The following MICALL2 variants were observed in gnomAD, a reference collection of about 807,000 sequenced individuals.
MICALL2 encodes MICAL-like protein 2.
A neutral mutation model predicts 91.1 loss-of-function variants in MICALL2; 111 were observed. The observed-to-expected ratio is 1.22, with a 90% CI of 1.04 to 1.43. The LOEUF is 1.43. Among genes scored for constraint, MICALL2 ranks in the 40% most tolerant of loss-of-function variants. The pLI, the probability that MICALL2 is intolerant of heterozygous loss-of-function variation, is 0.00. For missense variants in MICALL2, 1,556 were observed against 1,236.0 expected (o/e 1.26, Z -3.88); for synonymous variants, 694 against 525.3 (o/e 1.32, Z -4.39).
chr7:1,458,957 G>C (rs1383505046), intron 1 of MICALL2, among the ~76,000 whole-genome samples: 1 of 152,230 alleles, frequency 6.6e-6, no homozygotes, highest in African/African-American at 2.4e-5. Context: ...AGTCACGTCT[G>C]ACTCAGCCGG....
rs12540098 is a variant in MICALL2, at chr7:1,442,465, C to G, written c.1438G>C (p.Ala480Pro). ...APGRPSPATA[A>P]VPSSQPKTEA... ...GTTTTGGGCTGAGAACTGGGAACAG[C>G]GGCAGTGGCTGGGGAGGGCCTATAA... Residue 480 changes from alanine (A) to proline (P), a missense_variant, in exon 7 of 17, where the codon GCT (alanine) becomes CCT (proline). Coordinates refer to ENST00000297508, the MANE Select transcript of MICALL2 (RefSeq NM_182924.4). 0.12 allele frequency: 183,990 copies of G among 1,535,934 alleles called. 15,860 individuals carry two copies. The highest frequency in any genetic ancestry group is 0.41 in the African/African-American group (29,617 of 72,620).
chr7:1,453,027 C>A (rs1244475394), intron 1 of MICALL2, among the ~76,000 whole-genome samples: 1 of 151,880 alleles, frequency 6.6e-6, no homozygotes, highest in Non-Finnish European at 1.5e-5. Flanking sequence ...CGAGCTCACA[C>A]CCCCGGGGCC....
In MICALL2 at chr7:1,437,952, G is replaced by A. The variant is rs1483883205; in HGVS notation, c.2340C>T (p.Asp780=). The A allele has an allele frequency of 5.8e-6, 9 of 1,549,990 alleles. No individual in the cohort carries two copies. Among genetic ancestry groups the A allele is most frequent in the Non-Finnish European group, 7.8e-6 (9 of 1,147,208 alleles). Residue 780 remains aspartate (D), a synonymous_variant, in exon 13 of 17, where the codon GAC becomes GAT. Coordinates refer to ENST00000297508, the MANE Select transcript of MICALL2 (RefSeq NM_182924.4). ...GCTTCTCGTGAATGAGCCAGAACCA[G>A]TCCACCATGAGGCTATCCTCAGCGT... is the stretch of plus-strand genomic sequence containing the variant. ...GDDAEDSLMV[D]WFWLIHEKQL... is the part of the protein sequence containing the mutation.
At position 1,436,985 on chromosome 7, in the gene MICALL2, G is replaced by A. The variant is rs138428031; in HGVS notation, c.2477-129C>T. The stretch of plus-strand genomic sequence containing the variant: ...AGAAGGTGGGGTCTTGGGGGGATCC[G>A]GAGCAGAATGAATGAGTGAATAAGT... On this transcript the variant is annotated intron_variant, in intron 14 of 16. Coordinates refer to ENST00000297508, the MANE Select transcript of MICALL2 (RefSeq NM_182924.4). 1.5e-3 allele frequency: 946 copies of A among 611,564 alleles called. 5 individuals are homozygous for A. The highest frequency in any genetic ancestry group is 0.015 in the African/African-American group (778 of 51,980). 37.9% of individuals were successfully genotyped at this position (611,564 alleles called of 1,614,324 possible). A position where few individuals can be genotyped will look rare whatever the true frequency, so the allele number is the denominator to read the frequency against.
At position 1,442,488 on chromosome 7, in the gene MICALL2, T is replaced by A. The variant is rs943104723; in HGVS notation, c.1419-4A>T. On this transcript the variant is annotated splice_polypyrimidine_tract_variant and splice_region_variant and intron_variant, in intron 6 of 16. Coordinates refer to ENST00000297508, the MANE Select transcript of MICALL2 (RefSeq NM_182924.4). ...AGCGGCAGTGGCTGGGGAGGGCCTATAAGTAAAAGCGCAGGCATCAGGCAC... is the reference window on the plus strand; with the variant it reads ...AGCGGCAGTGGCTGGGGAGGGCCTAAAAGTAAAAGCGCAGGCATCAGGCAC... 6.6e-7 allele frequency: 1 copy of A among 1,524,636 alleles called. No individual in the cohort carries two copies. The highest frequency in any genetic ancestry group is 1.4e-5 in the African/African-American group (1 of 71,990). The allele number at this position is 1,524,636 out of a possible 1,614,324, so 94.4% of individuals were successfully genotyped here. A position where few individuals can be genotyped will look rare whatever the true frequency, so the allele number is the denominator to read the frequency against.
chr7:1,434,980 T>TC, intron 16 of MICALL2, 121 bp downstream of exon 16: 1 of 628,932 alleles, frequency 1.6e-6, no homozygotes, highest in Non-Finnish European at 2.8e-6. Context: ...GGGGACCCGA[T>TC]ACCCGCCCCC....
chr7:1,444,519 G>A, intron 6 of MICALL2, 133 bp downstream of exon 6: 1 of 888,082 alleles, frequency 1.1e-6, no homozygotes, highest in Admixed American at 2.9e-5. Flanking sequence ...GAAGGAAACA[G>A]GCTGGGGGAA....
intron 1 of MICALL2, among the ~76,000 whole-genome samples, chr7:1,454,781 T>A (rs1163685291): frequency 6.6e-6 from 1 of 151,938 alleles, no homozygotes; most frequent in Non-Finnish European, 1.5e-5. Context: ...GGTGGGGGCC[T>A]CTGCGTGAGT....
At chr7:1,439,035 G>T in intron 9 of MICALL2, 40 bp from the exon 10 acceptor site, 1 of 1,491,342 alleles carries the variant, frequency 6.7e-7, no homozygotes, top group Non-Finnish European at 9.1e-7. Flanking sequence ...CTTCAGAGCA[G>T]GGCCACTGGG....
Position 1,452,864 on chromosome 7 carries a change from C to T in MICALL2, c.144-2576G>A, listed in dbSNP as rs1355468745. Reference sequence around the variant, plus strand: ...CTGGGCTGCACCACCCCGGCCGGTCCCACAGCCACCACCCATCCTGCCCCA... The same window carrying T: ...CTGGGCTGCACCACCCCGGCCGGTCTCACAGCCACCACCCATCCTGCCCCA... On this transcript the variant is annotated intron_variant, in intron 1 of 16. Transcript: ENST00000297508. This position sits in a 1 kb window ranked among gnomAD's most constrained non-coding sequence, Gnocchi z 6.2. Among the ~76,000 whole-genome samples, 1 of 152,114 alleles carries T rather than the reference C, an allele frequency of 6.6e-6. No individual in the cohort carries two copies. The highest frequency in any genetic ancestry group is 1.5e-5 in the Non-Finnish European group (1 of 68,004).
intron 14 of MICALL2, 55 bp downstream of exon 14, chr7:1,437,480 T>TGGGCTCCGCGGCATCCCTGGCTG (rs1305264458): frequency 1.7e-5 from 25 of 1,457,590 alleles, no homozygotes; most frequent in Non-Finnish European, 2.1e-5. Context: ...CCAGACATCC[T>TGGGCTCCGCGGCATCCCTGGCTG]GGGCTCCGCG....
Position 1,434,656 on chromosome 7 carries a change from C to T in MICALL2, c.2655G>A (p.Lys885=). The T allele has an allele frequency of 6.4e-7, 1 of 1,565,970 alleles. No individual in the cohort carries two copies. Among genetic ancestry groups the T allele is most frequent in the Non-Finnish European group, 8.6e-7 (1 of 1,159,808 alleles). The change falls in exon 17 of 17, where the codon AAG becomes AAA. Residue 885 remains lysine (K), a synonymous_variant. Coordinates refer to ENST00000297508, the MANE Select transcript of MICALL2 (RefSeq NM_182924.4). The stretch of plus-strand genomic sequence containing the variant: ...AGATCTTGGACAAGCGGAACTTGGA[C>T]TTCTTCCTCTGGAGGCCTAGGGGAC... ...MIEKLGLQRK[K]SKFRLSKIWS...
Position 1,442,295 on chromosome 7 carries a change from C to T in MICALL2, c.1608G>A (p.Arg536=). 1 of 1,613,086 alleles carries T rather than the reference C, an allele frequency of 6.2e-7. No individual in the cohort carries two copies. Among genetic ancestry groups the T allele is most frequent in the Non-Finnish European group, 8.5e-7 (1 of 1,179,900 alleles). Residue 536 remains arginine, a synonymous_variant, in exon 7 of 17, where the codon AGG becomes AGA. Transcript: ENST00000297508. ...CCCCTGAGGATTCCGCCAAGTTCCTCCTGCCTGCCGGGGGCAACGCGGATG... is the reference window on the plus strand; with the variant it reads ...CCCCTGAGGATTCCGCCAAGTTCCTTCTGCCTGCCGGGGGCAACGCGGATG... ...SQASALPPAG[R]RNLAESSGVG... is the part of the protein sequence containing the mutation.
In MICALL2 at chr7:1,459,437, G is replaced by T; in HGVS notation, c.-111C>A. 1 of 1,057,626 alleles carries T rather than the reference G, an allele frequency of 9.5e-7. No individual in the cohort carries two copies. Among genetic ancestry groups the T allele is most frequent in the South Asian group, 2.3e-5 (1 of 42,558 alleles). 65.5% of individuals were successfully genotyped at this position (1,057,626 alleles called of 1,614,324 possible). A position where few individuals can be genotyped will look rare whatever the true frequency, so the allele number is the denominator to read the frequency against. On this transcript the variant is annotated 5_prime_UTR_variant, in exon 1 of 17. It adds an upstream start codon to the 5' untranslated region. Coordinates refer to ENST00000297508, the MANE Select transcript of MICALL2 (RefSeq NM_182924.4). Reference sequence around the variant, plus strand: ...CGCTGGGACCGCTACGGAACCGCCAGACCCACGGCGCCCAGCCCCAGCTGA... The same window carrying T: ...CGCTGGGACCGCTACGGAACCGCCATACCCACGGCGCCCAGCCCCAGCTGA...
In MICALL2 at chr7:1,438,086, G is replaced by T. The variant is rs903320672; in HGVS notation, c.2311+11C>A. 1.3e-6 allele frequency: 2 copies of T among 1,571,398 alleles called. No homozygotes were observed. Among genetic ancestry groups the T allele is most frequent in the Admixed American group, 1.9e-5 (1 of 53,596 alleles). ...AGTCGGGCTGGCCCAGGGCCAGGCCGAGGCGCTCACCTCCCTCGGCCGCCC... is the reference window on the plus strand; with the variant it reads ...AGTCGGGCTGGCCCAGGGCCAGGCCTAGGCGCTCACCTCCCTCGGCCGCCC... On this transcript the variant is annotated intron_variant, in intron 12 of 16. Coordinates refer to ENST00000297508, the MANE Select transcript of MICALL2 (RefSeq NM_182924.4).
Position 1,445,617 on chromosome 7 carries a change from G to A in MICALL2, c.642-189C>T, listed in dbSNP as rs76258304. 6.3e-3 allele frequency among the ~76,000 whole-genome samples: 950 copies of A among 151,148 alleles called. 9 individuals carry two copies. The highest frequency in any genetic ancestry group is 0.022 in the African/African-American group (892 of 41,482). On this transcript the variant is annotated intron_variant, in intron 5 of 16. Transcript: ENST00000297508. ...TTGCGGACTCCTGTGTTCCACTCACGAGGTCGCTGATTCATTCAACAAACG... is the reference window on the plus strand; with the variant it reads ...TTGCGGACTCCTGTGTTCCACTCACAAGGTCGCTGATTCATTCAACAAACG...
chr7:1,458,910 G>A (rs1406721390), intron 1 of MICALL2, among the ~76,000 whole-genome samples: 1 of 152,240 alleles, frequency 6.6e-6, no homozygotes, highest in Admixed American at 6.5e-5. Context: ...GACACAGAGG[G>A]GGACTGGACT....
intron 10 of MICALL2, 66 bp from the exon 11 acceptor site, chr7:1,438,419 C>T: frequency 6.5e-7 from 1 of 1,548,832 alleles, no homozygotes; most frequent in Non-Finnish European, 8.7e-7. Context: ...CAGGACACAG[C>T]TTGGAAGGAG....
intron 1 of MICALL2, among the ~76,000 whole-genome samples, chr7:1,453,091 G>A (rs542789383): frequency 2.6e-5 from 4 of 151,226 alleles, no homozygotes; most frequent in South Asian, 4.3e-4. Flanking sequence ...CGCCAGAACC[G>A]TCTCGCAAGC....
Sources: gnomAD v4.1 joint callset for allele counts (sites outside exome capture counted in the v4.1 genomes callset) on GRCh38, gnomAD v4.1.1 for gene constraint, Gnocchi (gnomAD v3.1) non-coding constraint, MANE v1.5 for transcripts, NCBI Gene and HGNC (gene_info 2026-07-23, HGNC 2026-07-21) for gene names.